USP9X: variants seen among roughly 807,000 people sequenced by gnomAD.
USP9X encodes ubiquitin specific peptidase 9 X-linked.
USP9X carries 7 observed loss-of-function variants against 190.3 expected under a neutral mutation model. The ratio of observed to expected loss-of-function variants is 0.04; its 90% CI spans 0.02 to 0.07. The LOEUF (loss-of-function observed/expected upper bound fraction) is 0.07. Ranked by LOEUF, USP9X falls within the 10% of genes least tolerant of loss-of-function variation. USP9X has a pLI of 1.00. For missense variants in USP9X, 1,010 were observed against 1,916.9 expected, an observed-to-expected ratio of 0.53 and a Z score of 8.83; for synonymous variants, 645 against 659.5, an observed-to-expected ratio of 0.98 and a Z score of 0.34.
At chrX:41,136,002 A>G (rs1315120638) in intron 5 of USP9X, among the ~76,000 whole-genome samples, 1 of 111,548 alleles carries the variant, frequency 9.0e-6, no homozygotes, top group Non-Finnish European at 1.9e-5. Context: ...CCTATAACCT[A>G]TTTCCCAAAT....
intron 24 of USP9X, 52 bp from the exon 25 acceptor site, chrX:41,187,940 C>T: frequency 9.3e-7 from 1 of 1,078,842 alleles, no homozygotes; most frequent in Non-Finnish European, 1.2e-6. Context: ...TTTTTCTAAA[C>T]ATAATTTCAC....
intron 44 of USP9X, among the ~76,000 whole-genome samples, 186 bp from the exon 45 acceptor site, chrX:41,232,201 A>G (rs929567425): frequency 3.0e-5 from 3 of 98,367 alleles, no homozygotes; most frequent in Non-Finnish European, 6.1e-5. Flanking sequence ...TTGCATTTAC[A>G]CTACGTTTTT....
chrX:41,145,631 G>A (rs945605556), intron 11 of USP9X, among the ~76,000 whole-genome samples: 4 of 111,836 alleles, frequency 3.6e-5, no homozygotes, highest in Non-Finnish European at 7.5e-5. Context: ...GTAAAGTTCC[G>A]AAATGGGCAC....
Position 41,152,966 on chromosome X carries a change from C to T in USP9X, c.1782C>T (p.Pro594=). 8.3e-7 allele frequency: 1 copy of T among 1,208,970 alleles called. No homozygotes were observed. The highest frequency in any genetic ancestry group is 1.1e-6 in the Non-Finnish European group (1 of 894,233). The part of the protein sequence containing the change: ...PQNLSQTQRS[P]HVFYRHDLIN... ...GTTTCAGTCAAACTCAGCGAAGTCC[C>T]CATGTGTTTTATCGCCATGACTTAA... The change falls in exon 14 of 45, where the codon CCC becomes CCT. Residue 594 remains proline, a synonymous_variant. Coordinates refer to ENST00000378308, the MANE Select transcript of USP9X (RefSeq NM_001039591.3).
At chrX:41,227,789 C>T (rs181029235) in intron 41 of USP9X, among the ~76,000 whole-genome samples, 1 of 110,540 alleles carries the variant, frequency 9.0e-6, no homozygotes, top group East Asian at 2.8e-4. Context: ...CAAGCTCCGC[C>T]TCCCGGGTTT....
rs1257734482 is a variant in USP9X at position 41,125,734 on chromosome X, GCTCTCT to G, written c.96+2019_96+2024del. Among the ~76,000 whole-genome samples, 11 of 97,094 alleles carry G rather than the reference GCTCTCT, an allele frequency of 1.1e-4. No individual in the cohort carries two copies. The East Asian group carries it at 3.6e-3, about 32-fold the overall frequency. 84.3% of individuals were successfully genotyped at this position (97,094 alleles called of 115,157 possible). On this transcript the variant is annotated intron_variant, in intron 2 of 44. Transcript: ENST00000378308. ...CTCTCTCTCTCGCGCACGCGCGCGC[GCTCTCT>G]CTCTCTCTGTTCCTTTTGCTTACTT...
chrX:41,128,819 A>G (rs751731022), intron 2 of USP9X, among the ~76,000 whole-genome samples, 181 bp from the exon 3 acceptor site: 6 of 111,744 alleles, frequency 5.4e-5, no homozygotes, highest in Non-Finnish European at 9.4e-5. Flanking sequence ...CACATAGGCA[A>G]TTTTTTCTGA....
At chrX:41,171,697 G>A (rs2062727180) in intron 20 of USP9X, 141 bp from the exon 21 acceptor site, 4 of 733,187 alleles carry the variant, frequency 5.5e-6, no homozygotes. Flanking sequence ...GGGATTAAAA[G>A]ATGGGAAAGT....
chrX:41,187,403 C>G (rs188605224), intron 24 of USP9X, among the ~76,000 whole-genome samples: 1 of 112,126 alleles, frequency 8.9e-6, no homozygotes, highest in Non-Finnish European at 1.9e-5. Context: ...TTATTGCTAA[C>G]TAGTACCCAT....
chrX:41,148,041 C>A (rs1313649889), intron 11 of USP9X, among the ~76,000 whole-genome samples: 1 of 111,432 alleles, frequency 9.0e-6, no homozygotes, highest in Non-Finnish European at 1.9e-5. Context: ...TCTCTACTCA[C>A]TAAATGCCAT....
At chrX:41,116,130 G>A (rs1321476118) in intron 1 of USP9X, among the ~76,000 whole-genome samples, 1 of 112,149 alleles carries the variant, frequency 8.9e-6, no homozygotes, top group Non-Finnish European at 1.9e-5. Flanking sequence ...ATATGAAAAT[G>A]TGTTGTGTGT....
intron 4 of USP9X, among the ~76,000 whole-genome samples, chrX:41,133,208 A>G (rs1187083364): frequency 1.8e-5 from 2 of 112,117 alleles, no homozygotes; most frequent in Non-Finnish European, 3.8e-5. Context: ...CTTATGCCTC[A>G]TTAATCTTGT....
Position 41,218,310 on chromosome X carries a change from C to T in USP9X, c.6210-62C>T, listed in dbSNP as rs1341886270. On this transcript the variant is annotated intron_variant, in intron 36 of 44. Transcript: ENST00000378308. ...TTTTTTTTGGTTCAATGAGACTCAT[C>T]CTTTTACTATAGAGAACAAGTTATT... 22 of 1,098,088 alleles carry T rather than the reference C, an allele frequency of 2.0e-5. No individual in the cohort carries two copies. In the African/African-American group the frequency reaches 3.9e-4, roughly 20 times the overall value. 90.5% of individuals were successfully genotyped at this position (1,098,088 alleles called of 1,213,427 possible). A position where few individuals can be genotyped will look rare whatever the true frequency, so the allele number is the denominator to read the frequency against.
rs1486748292 is a variant in USP9X at position 41,144,554 on chromosome X, A to T, written c.1347A>T (p.Val449=). Reference sequence around the variant, plus strand: ...AACATGAAGCCATTGTGAAGAATGTACATGATCTCCTGGCAAAATTGGCAT... The same window carrying T: ...AACATGAAGCCATTGTGAAGAATGTTCATGATCTCCTGGCAAAATTGGCAT... ...AGKHEAIVKN[V]HDLLAKLAWD... The change falls in exon 11 of 45, where the codon GTA becomes GTT. Residue 449 remains valine (V), a synonymous_variant. Transcript: ENST00000378308. 8.3e-7 allele frequency: 1 copy of T among 1,211,096 alleles called. No individual in the cohort carries two copies. The highest frequency in any genetic ancestry group is 2.2e-5 in the Admixed American group (1 of 45,993).
intron 2 of USP9X, among the ~76,000 whole-genome samples, chrX:41,125,684 ACTCTCTCTCTCT>A (rs1555918325): frequency 5.3e-4 from 10 of 19,022 alleles, no homozygotes; most frequent in East Asian, 1.9e-3. Flanking sequence ...ACACACACAC[ACTCTCTCTCTCT>A]CTCTCTCTCT....
intron 2 of USP9X, among the ~76,000 whole-genome samples, chrX:41,125,684 A>ACACACACACACACACTCTCTCT: frequency 1.5e-3 from 29 of 19,005 alleles, no homozygotes; most frequent in East Asian, 5.8e-3. Context: ...ACACACACAC[A>ACACACACACACACACTCTCTCT]CTCTCTCTCT....
In USP9X at chrX:41,125,684, A is replaced by ACACACACACACACACACACT; in HGVS notation, c.96+1961_96+1962insACACACACACACACACACTC. Among the ~76,000 whole-genome samples, 14 of 19,027 alleles carry ACACACACACACACACACACT rather than the reference A, an allele frequency of 7.4e-4. 2 individuals carry two copies. The highest frequency in any genetic ancestry group is 9.0e-4 in the Non-Finnish European group (10 of 11,153). 16.5% of individuals were successfully genotyped at this position (19,027 alleles called of 115,157 possible). On this transcript the variant is annotated intron_variant, in intron 2 of 44. Transcript: ENST00000378308. ...CACACACACACACACACACACACAC[A>ACACACACACACACACACACT]CTCTCTCTCTCTCTCTCTCTCTCTC...
intron 3 of USP9X, among the ~76,000 whole-genome samples, chrX:41,130,850 C>T (rs762103347): frequency 4.5e-5 from 5 of 110,838 alleles, no homozygotes; most frequent in African/African-American, 6.6e-5. Flanking sequence ...CTCAGCCTCC[C>T]GAGTAGCTGA....
intron 1 of USP9X, among the ~76,000 whole-genome samples, chrX:41,097,038 C>T (rs2061996687): frequency 9.9e-6 from 1 of 101,403 alleles, no homozygotes; most frequent in African/African-American, 3.6e-5. Flanking sequence ...TCCCTTGTTT[C>T]TCCTGTGTGG....
Sources: allele counts gnomAD v4.1 joint callset (sites outside exome capture counted in the v4.1 genomes callset), GRCh38; gene constraint gnomAD v4.1.1; transcripts MANE v1.5; gene names NCBI Gene and HGNC (gene_info 2026-07-23, HGNC 2026-07-21).